Variants in AFAP1L2 observed in about 807,000 individuals in gnomAD.
The protein encoded by AFAP1L2 is actin filament-associated protein 1-like 2.
A neutral mutation model predicts 99.3 loss-of-function variants in AFAP1L2; 46 were observed. The observed-to-expected ratio is 0.46, with a 90% CI of 0.37 to 0.59. The LOEUF (loss-of-function observed/expected upper bound fraction) is 0.59, where lower values mean the gene tolerates loss of function less well. Ranked by LOEUF, AFAP1L2 falls within the 20% of genes least tolerant of loss-of-function variation. AFAP1L2 has a pLI of 0.00. For missense variants in AFAP1L2, 959 were observed against 1,034.9 expected, an observed-to-expected ratio of 0.93 and a Z score of 1.01; for synonymous variants, 397 against 419.1, an observed-to-expected ratio of 0.95 and a Z score of 0.64.
In AFAP1L2 at chr10:114,322,392, C is replaced by T. The variant is rs75669152; in HGVS notation, c.406+779G>A. On this transcript the variant is annotated intron_variant, in intron 5 of 18. Transcript: ENST00000304129. Reference sequence around the variant, plus strand: ...CCACCTCCTTTCATTCTCCCCTGCTCCTGCCATGCTGGCCTCCTTGTTGTT... The same window carrying T: ...CCACCTCCTTTCATTCTCCCCTGCTTCTGCCATGCTGGCCTCCTTGTTGTT... Among the ~76,000 whole-genome samples the T allele has an allele frequency of 4.1e-3, 628 of 152,320 alleles. 4 individuals are homozygous for T. Among genetic ancestry groups the T allele is most frequent in the African/African-American group, 0.015 (609 of 41,566 alleles).
rs2781806 is a variant in AFAP1L2 at position 114,300,668 on chromosome 10, G to A, written c.1565C>T (p.Thr522Ile). 8.7e-6 allele frequency: 14 copies of A among 1,602,098 alleles called. No homozygotes were observed. Among genetic ancestry groups the A allele is most frequent in the Non-Finnish European group, 1.1e-5 (13 of 1,173,506 alleles). Reference protein sequence around the residue: ...TAAVEPTEEATPVADDPNERE... With the variant: ...TAAVEPTEEAIPVADDPNERE... The stretch of plus-strand genomic sequence containing the variant: ...CTCATTTGGGTCATCTGCAACAGGG[G>A]TGGCTTCCTCGGTAGGCTCCACCTG... Residue 522 changes from threonine (T) to isoleucine (I), a missense_variant, in exon 14 of 19, where the codon ACC (threonine) becomes ATC (isoleucine). Transcript: ENST00000304129.
intron 7 of AFAP1L2, among the ~76,000 whole-genome samples, chr10:114,311,542 C>T (rs376150582): frequency 6.5e-4 from 99 of 152,358 alleles, no homozygotes; most frequent in Middle Eastern, 3.4e-3. Context: ...GCCTGAGCCT[C>T]AGCCACTGCA....
At chr10:114,300,711 G>A in intron 13 of AFAP1L2, 21 bp from the exon 14 acceptor site, 3 of 1,564,382 alleles carry the variant, frequency 1.9e-6, no homozygotes, top group Non-Finnish European at 2.6e-6. Context: ...GAGTGAGTCT[G>A]GGGCATTCAA....
At chr10:114,329,857 C>G (rs775068232) in intron 4 of AFAP1L2, among the ~76,000 whole-genome samples, 2 of 152,192 alleles carry the variant, frequency 1.3e-5, no homozygotes, top group Non-Finnish European at 2.9e-5. Context: ...CTAGTACTTC[C>G]CAACTGTGGG....
Position 114,400,284 on chromosome 10 carries a change from C to T in AFAP1L2, c.16+4156G>A, listed in dbSNP as rs868590871. Among the ~76,000 whole-genome samples, 8 of 152,342 alleles carry T rather than the reference C, an allele frequency of 5.3e-5. 1 individual carries two copies. The South Asian group carries it at 1.2e-3, about 24-fold the overall frequency. Reference sequence around the variant, plus strand: ...CAGCCCAGCTCGCAGGGCTCCTACCCCTTCAGAAGAGAGGAAGGGCCCAAA... The same window carrying T: ...CAGCCCAGCTCGCAGGGCTCCTACCTCTTCAGAAGAGAGGAAGGGCCCAAA... On this transcript the variant is annotated intron_variant, in intron 1 of 18. Transcript: ENST00000304129.
At chr10:114,310,479 G>A (rs779934950) in intron 7 of AFAP1L2, 36 bp from the exon 8 acceptor site, 5 of 1,594,460 alleles carry the variant, frequency 3.1e-6, no homozygotes, top group Admixed American at 3.4e-5. Flanking sequence ...AGAGGCTGAG[G>A]TCCTCTGGCC....
chr10:114,302,627 G>C, intron 11 of AFAP1L2, 143 bp from the exon 12 acceptor site: 1 of 992,432 alleles, frequency 1.0e-6, no homozygotes, highest in Non-Finnish European at 1.5e-6. Context: ...TGCTTCTCCT[G>C]TTCACCAGCC....
chr10:114,364,937 T>C (rs920444654), intron 1 of AFAP1L2, among the ~76,000 whole-genome samples: 1 of 152,218 alleles, frequency 6.6e-6, no homozygotes, highest in Non-Finnish European at 1.5e-5. Flanking sequence ...GACCAAACCT[T>C]TCTTGGGGGC....
chr10:114,332,821 G>C (rs145138949), intron 3 of AFAP1L2, among the ~76,000 whole-genome samples: 1 of 152,192 alleles, frequency 6.6e-6, no homozygotes, highest in Admixed American at 6.5e-5. Flanking sequence ...TGACTATTAA[G>C]GCAGTTGCTG....
chr10:114,401,906 T>A (rs1396146685), intron 1 of AFAP1L2, among the ~76,000 whole-genome samples: 1 of 152,236 alleles, frequency 6.6e-6, no homozygotes. Flanking sequence ...AACTGCTTTA[T>A]AAGATTTGCA....
intron 1 of AFAP1L2, among the ~76,000 whole-genome samples, chr10:114,354,522 G>A (rs74157590): frequency 0.097 from 14,722 of 152,090 alleles, 1,849 homozygotes; most frequent in African/African-American, 0.29. Context: ...AGATTTGACC[G>A]GCCCCACCTA....
At chr10:114,292,008 T>C (rs2039647539), downstream of AFAP1L2, among the ~76,000 whole-genome samples, 1 of 152,202 alleles carries the variant, frequency 6.6e-6, no homozygotes, top group African/African-American at 2.4e-5. Context: ...CCAGAGACTG[T>C]GGCTCATGCC....
intron 1 of AFAP1L2, among the ~76,000 whole-genome samples, chr10:114,341,063 G>A (rs951168287): frequency 3.9e-5 from 6 of 152,232 alleles, no homozygotes; most frequent in African/African-American, 1.4e-4. Context: ...CAGGGCTCTT[G>A]TGAAAACTAA....
intron 1 of AFAP1L2, among the ~76,000 whole-genome samples, chr10:114,354,490 G>C (rs2051013143): frequency 6.6e-6 from 1 of 152,162 alleles, no homozygotes; most frequent in South Asian, 2.1e-4. Flanking sequence ...TGTATAATGA[G>C]AGGACCTATC....
At chr10:114,385,283 T>C (rs2056351888) in intron 1 of AFAP1L2, among the ~76,000 whole-genome samples, 2 of 152,130 alleles carry the variant, frequency 1.3e-5, no homozygotes, top group African/African-American at 4.8e-5. Context: ...AGGGATCTCT[T>C]CAGAGACAGC....
At chr10:114,310,759 G>A (rs1259622446) in intron 7 of AFAP1L2, among the ~76,000 whole-genome samples, 1 of 152,026 alleles carries the variant, frequency 6.6e-6, no homozygotes, top group Non-Finnish European at 1.5e-5. Flanking sequence ...AGGGCTCCGC[G>A]AGCCCCTTTC....
At chr10:114,290,311 G>A, downstream of AFAP1L2, 5 of 1,550,614 alleles carry the variant, frequency 3.2e-6, no homozygotes, top group Non-Finnish European at 4.4e-6. Flanking sequence ...CCTGCAGAAT[G>A]GGAGCTACCG....
Position 114,326,049 on chromosome 10 carries a change from G to A in AFAP1L2, c.316-2788C>T, listed in dbSNP as rs747489342. Reference sequence around the variant, plus strand: ...CCCAAGGTCAGGATTCTCTAGAGTCGAACAGGACAAAGGGAGGAGTGAACC... The same window carrying A: ...CCCAAGGTCAGGATTCTCTAGAGTCAAACAGGACAAAGGGAGGAGTGAACC... On this transcript the variant is annotated intron_variant, in intron 4 of 18. Transcript: ENST00000304129. 43 of 1,288,616 alleles carry A rather than the reference G, an allele frequency of 3.3e-5. No homozygotes were observed. In the East Asian group the frequency reaches 1.4e-3, roughly 43 times the overall value. The allele number at this position is 1,288,616 out of a possible 1,614,324, so 79.8% of individuals were successfully genotyped here.
At chr10:114,316,046 C>T (rs1031450740) in intron 5 of AFAP1L2, among the ~76,000 whole-genome samples, 17 of 152,260 alleles carry the variant, frequency 1.1e-4, no homozygotes, top group Non-Finnish European at 2.9e-5. Flanking sequence ...CTGTCACTCC[C>T]AACTCCACAG....
Sources: allele counts gnomAD v4.1 joint callset (sites outside exome capture counted in the v4.1 genomes callset), GRCh38; gene constraint gnomAD v4.1.1; transcripts MANE v1.5; gene names NCBI Gene and HGNC (gene_info 2026-07-23, HGNC 2026-07-21).